PIK3C2G: variants seen among roughly 807,000 people sequenced by gnomAD.
The protein encoded by PIK3C2G is phosphatidylinositol 3-kinase C2 domain-containing subunit gamma.
Under a neutral mutation model 181.1 loss-of-function variants are expected in PIK3C2G, and 168 were observed. The ratio of observed to expected loss-of-function variants is 0.93; its 90% CI spans 0.82 to 1.05. PIK3C2G has a LOEUF of 1.05. PIK3C2G is among the 50% of genes least tolerant of loss of function. The probability of loss-of-function intolerance (pLI) is 0.00; values close to 1 mark genes in which losing one functional copy is unlikely to be tolerated. For synonymous variants in PIK3C2G, 573 were observed against 592.2 expected (o/e 0.97, Z 0.47); for missense variants, 1,869 against 1,732.8 (o/e 1.08, Z -1.40).
At chr12:18,683,346 A>G in the PIK3C2G span, 1 of 1,606,814 alleles carries the variant, frequency 6.2e-7, no homozygotes, top group Admixed American at 1.7e-5. Flanking sequence ...ATTATATCTA[A>G]TTAGACCAAT....
At chr12:18,529,773 G>T (rs528671760) in intron 24 of PIK3C2G, among the ~76,000 whole-genome samples, 1 of 152,060 alleles carries the variant, frequency 6.6e-6, no homozygotes, top group African/African-American at 2.4e-5. Flanking sequence ...CCACTGTGAG[G>T]GCTGGTGCTA....
chr12:18,255,582 G>A (rs1027245790), intron 1 of PIK3C2G, among the ~76,000 whole-genome samples: 21 of 152,246 alleles, frequency 1.4e-4, no homozygotes, highest in African/African-American at 4.8e-4. Flanking sequence ...TGAGGGCGAG[G>A]GAGCAGACAG....
chr12:18,247,364 CT>C (rs1948051081), upstream of PIK3C2G, among the ~76,000 whole-genome samples: 2 of 152,122 alleles, frequency 1.3e-5, no homozygotes, highest in African/African-American at 4.8e-5. Flanking sequence ...GGTATGTGCC[CT>C]GGTGTTTGTT....
chr12:18,262,998 G>C (rs1389245340), intron 1 of PIK3C2G, among the ~76,000 whole-genome samples: 1 of 152,054 alleles, frequency 6.6e-6, no homozygotes, highest in Non-Finnish European at 1.5e-5. Context: ...ACTGTTATCA[G>C]TTCTTAGCAA....
chr12:18,576,821 T>C (rs1053600264), intron 29 of PIK3C2G, among the ~76,000 whole-genome samples: 1 of 152,172 alleles, frequency 6.6e-6, no homozygotes, highest in Admixed American at 6.5e-5. Context: ...GATGCTGACA[T>C]TCTCTGAAGG....
At chr12:18,461,284 T>G (rs1259255250) in intron 18 of PIK3C2G, among the ~76,000 whole-genome samples, 4 of 152,330 alleles carry the variant, frequency 2.6e-5, no homozygotes, top group African/African-American at 9.6e-5. Flanking sequence ...TATTACATTA[T>G]AATTTATTAT....
chr12:18,270,559 C>A (rs1948704998), intron 1 of PIK3C2G, among the ~76,000 whole-genome samples: 2 of 152,084 alleles, frequency 1.3e-5, no homozygotes. Context: ...ATCAGTTAAA[C>A]CAGTCCCAAT....
chr12:18,672,105 G>A, the PIK3C2G span, among the ~76,000 whole-genome samples: 1 of 152,182 alleles, frequency 6.6e-6, no homozygotes, highest in African/African-American at 2.4e-5. Context: ...TCAGATCATA[G>A]CAAAGACAAG....
intron 1 of PIK3C2G, among the ~76,000 whole-genome samples, chr12:18,279,996 C>A (rs1949143412): frequency 6.6e-6 from 1 of 151,854 alleles, no homozygotes; most frequent in Non-Finnish European, 1.5e-5. Flanking sequence ...AATCAAATTG[C>A]ATTGCAACAA....
intron 1 of PIK3C2G, among the ~76,000 whole-genome samples, chr12:18,273,224 T>C (rs922161733): frequency 1.3e-5 from 2 of 152,194 alleles, no homozygotes; most frequent in Admixed American, 6.5e-5. Context: ...ATTTATTAAA[T>C]AGGGAATCCT....
the PIK3C2G span, among the ~76,000 whole-genome samples, chr12:18,696,932 A>C: frequency 3.7e-4 from 57 of 152,276 alleles, no homozygotes; most frequent in African/African-American, 1.3e-3. Flanking sequence ...TAGTATACAC[A>C]CAAACAGGAA....
intron 18 of PIK3C2G, among the ~76,000 whole-genome samples, chr12:18,443,023 C>T (rs1027436318): frequency 6.6e-6 from 1 of 152,134 alleles, no homozygotes; most frequent in Non-Finnish European, 1.5e-5. Flanking sequence ...AGGCACCCGC[C>T]ACCATGCCCA....
chr12:18,719,447 G>T, the PIK3C2G span: 1 of 1,523,858 alleles, frequency 6.6e-7, no homozygotes, highest in Non-Finnish European at 8.9e-7. Flanking sequence ...TATCCCCAAA[G>T]GTCACTTGGT....
At chr12:18,317,499 C>T (rs993692122) in intron 6 of PIK3C2G, among the ~76,000 whole-genome samples, 1 of 152,028 alleles carries the variant, frequency 6.6e-6, no homozygotes, top group Non-Finnish European at 1.5e-5. Flanking sequence ...TAGTACTTGC[C>T]TTTTCTAAAA....
intron 13 of PIK3C2G, among the ~76,000 whole-genome samples, chr12:18,373,620 C>T (rs1021646288): frequency 3.9e-5 from 6 of 152,060 alleles, no homozygotes; most frequent in Admixed American, 3.9e-4. Flanking sequence ...GAGGCCGAGG[C>T]GGGTGGATCA....
intron 18 of PIK3C2G, among the ~76,000 whole-genome samples, chr12:18,426,020 T>A (rs1329130790): frequency 6.6e-6 from 1 of 152,226 alleles, no homozygotes; most frequent in South Asian, 2.1e-4. Flanking sequence ...GACCTTGACT[T>A]TGAATTTTTC....
In PIK3C2G at chr12:18,391,266, G is replaced by A; in HGVS notation, c.2126+14G>A. 2 of 1,541,848 alleles carry A rather than the reference G, an allele frequency of 1.3e-6. No individual in the cohort carries two copies. Among genetic ancestry groups the A allele is most frequent in the African/African-American group, 1.4e-5 (1 of 71,530 alleles). ...GACTCCCCTACTGTAAGTGACCTAGGTCTTGTGAATGAATTTTTGCCTGCT... is the reference window on the plus strand; with the variant it reads ...GACTCCCCTACTGTAAGTGACCTAGATCTTGTGAATGAATTTTTGCCTGCT... On this transcript the variant is annotated intron_variant, in intron 15 of 32. Coordinates refer to ENST00000538779, the MANE Select transcript of PIK3C2G (RefSeq NM_001288772.2).
At chr12:18,362,285 G>C (rs1022205471) in intron 11 of PIK3C2G, among the ~76,000 whole-genome samples, 1 of 152,178 alleles carries the variant, frequency 6.6e-6, no homozygotes, top group Non-Finnish European at 1.5e-5. Context: ...AAAGACAAAA[G>C]CTAGTTCCTT....
intron 16 of PIK3C2G, among the ~76,000 whole-genome samples, chr12:18,416,014 G>A (rs780034896): frequency 4.6e-5 from 7 of 152,324 alleles, no homozygotes; most frequent in African/African-American, 1.7e-4. Flanking sequence ...TTAGGAGGCC[G>A]AGGCGGGTGG....
Sources: allele counts gnomAD v4.1 joint callset (sites outside exome capture counted in the v4.1 genomes callset), GRCh38; gene constraint gnomAD v4.1.1; transcripts MANE v1.5; gene names NCBI Gene and HGNC (gene_info 2026-07-23, HGNC 2026-07-21).